Variants in DOCK1 observed in about 807,000 individuals in gnomAD.
DOCK1 encodes dedicator of cytokinesis protein 1.
DOCK1 carries 138 observed loss-of-function variants against 262.7 expected under a neutral mutation model. The ratio of observed to expected loss-of-function variants is 0.53; its 90% confidence interval spans 0.46 to 0.61. The LOEUF (loss-of-function observed/expected upper bound fraction) is 0.61, where lower values mean the gene tolerates loss of function less well. DOCK1 is among the 20% of genes least tolerant of loss of function. The pLI is 0.00. For synonymous variants in DOCK1, 866 were observed against 867.4 expected, an observed-to-expected ratio of 1.00 and a Z score of 0.03; for missense variants, 1,908 against 2,370.7, an observed-to-expected ratio of 0.80 and a Z score of 4.05.
chr10:126,927,728 C>T lies in DOCK1; in HGVS notation c.46+22165C>T, dbSNP rs973022570. Among the ~76,000 whole-genome samples the T allele has an allele frequency of 6.8e-3, 1,042 of 152,254 alleles. 12 individuals are homozygous for T. The highest frequency in any genetic ancestry group is 0.014 in the Admixed American group (217 of 15,304). Reference sequence around the variant, plus strand: ...CTGGGATTATAGGTGTGAGCCACCGCGCCCGGCCTGTCTTCATTCTTTCAC... The same window carrying T: ...CTGGGATTATAGGTGTGAGCCACCGTGCCCGGCCTGTCTTCATTCTTTCAC... On this transcript the variant is annotated intron_variant, in intron 1 of 51. Coordinates refer to ENST00000623213, the MANE Select transcript of DOCK1 (RefSeq NM_001290223.2).
intron 23 of DOCK1, among the ~76,000 whole-genome samples, chr10:127,081,944 C>T (rs944679279): frequency 4.6e-5 from 7 of 152,156 alleles, no homozygotes; most frequent in Non-Finnish European, 1.0e-4. Flanking sequence ...TGGCCCCTGG[C>T]GATGCTCATA....
chr10:127,063,341 C>A (rs995596825), intron 23 of DOCK1, among the ~76,000 whole-genome samples: 1 of 152,164 alleles, frequency 6.6e-6, no homozygotes, highest in South Asian at 2.1e-4. Context: ...TGTGCTGAGA[C>A]GTGGCTGATG....
intron 1 of DOCK1, among the ~76,000 whole-genome samples, chr10:126,959,132 C>T (rs2036987482): frequency 6.6e-6 from 1 of 152,106 alleles, no homozygotes; most frequent in South Asian, 2.1e-4. Context: ...AGGGAAAGTT[C>T]AAGTTAAGAT....
At chr10:127,228,151 T>C (rs1001620736) in intron 27 of DOCK1, among the ~76,000 whole-genome samples, 1 of 152,212 alleles carries the variant, frequency 6.6e-6, no homozygotes, top group Non-Finnish European at 1.5e-5. Context: ...ACAGTAAATA[T>C]CTGTCTTTAA....
At chr10:127,354,495 C>T (rs2064040395) in intron 31 of DOCK1, among the ~76,000 whole-genome samples, 174 bp from the exon 32 acceptor site, 1 of 152,208 alleles carries the variant, frequency 6.6e-6, no homozygotes, top group Non-Finnish European at 1.5e-5. Flanking sequence ...AGATTTCCCC[C>T]AGCTAGATTC....
At chr10:126,981,145 A>G (rs1158760489) in intron 3 of DOCK1, among the ~76,000 whole-genome samples, 1 of 151,954 alleles carries the variant, frequency 6.6e-6, no homozygotes. Context: ...ATGGGGTTTC[A>G]CCATGTTGGC....
At position 127,176,257 on chromosome 10, in the gene DOCK1, C is replaced by G. The variant is rs368666491; in HGVS notation, c.2847+48493C>G. On this transcript the variant is annotated intron_variant, in intron 27 of 51. Transcript: ENST00000623213. This position sits in a 1 kb window ranked among gnomAD's most constrained non-coding sequence, Gnocchi z 4.4. ...GCCTCGCAGATATCCTTAAACCGCA[C>G]CTGCAGGGCTTTGTTCCGTTTTTTA... is the stretch of plus-strand genomic sequence containing the variant. The G allele has an allele frequency of 7.4e-6, 12 of 1,614,016 alleles. No homozygotes were observed. Among genetic ancestry groups the G allele is most frequent in the Non-Finnish European group, 9.3e-6 (11 of 1,180,032 alleles).
intron 27 of DOCK1, among the ~76,000 whole-genome samples, chr10:127,222,536 A>T (rs563920973): frequency 6.6e-6 from 1 of 152,318 alleles, no homozygotes; most frequent in South Asian, 2.1e-4. Context: ...TAACATCATA[A>T]ACAAGTTTCC....
intron 38 of DOCK1, among the ~76,000 whole-genome samples, chr10:127,387,952 C>T (rs969030497): frequency 4.6e-5 from 7 of 150,626 alleles, no homozygotes; most frequent in East Asian, 2.0e-4. Context: ...CGAATGTGTT[C>T]GGTTCAGTAC....
intron 38 of DOCK1, among the ~76,000 whole-genome samples, chr10:127,392,776 C>T (rs902009634): frequency 1.3e-5 from 2 of 152,300 alleles, no homozygotes. Context: ...GGGCAGATCC[C>T]ACCCCACTCT....
intron 33 of DOCK1, among the ~76,000 whole-genome samples, chr10:127,365,159 C>T (rs1045005789): frequency 6.6e-6 from 1 of 152,264 alleles, no homozygotes; most frequent in Non-Finnish European, 1.5e-5. Flanking sequence ...CTTTCTTATC[C>T]ATCGCCTATA....
intron 6 of DOCK1, among the ~76,000 whole-genome samples, chr10:126,996,545 T>G: frequency 6.8e-6 from 1 of 147,786 alleles, no homozygotes; most frequent in Admixed American, 6.7e-5. Context: ...ATTTTTTTTT[T>G]TTTTTTTTTT....
chr10:126,951,852 A>ATT (rs1184702030), intron 1 of DOCK1, among the ~76,000 whole-genome samples: 14,780 of 142,540 alleles, frequency 0.1, 1,136 homozygotes, highest in African/African-American at 0.19. Flanking sequence ...CAGCCTCTTC[A>ATT]TTTTTTTTTT....
intron 23 of DOCK1, among the ~76,000 whole-genome samples, chr10:127,081,635 G>C (rs1285414177): frequency 2.0e-5 from 3 of 152,058 alleles, no homozygotes; most frequent in African/African-American, 7.2e-5. Context: ...AGTAATGGTG[G>C]CTTCAATTGC....
chr10:127,392,212 C>G (rs6482853), intron 38 of DOCK1, among the ~76,000 whole-genome samples: 126,200 of 151,310 alleles, frequency 0.83, 52,954 homozygotes, highest in African/African-American at 0.93. Context: ...AGTTCACCGG[C>G]GAATCTTGTT....
At chr10:126,992,760 A>ACACACACACG (rs1479341776) in intron 6 of DOCK1, among the ~76,000 whole-genome samples, 43 of 146,128 alleles carry the variant, frequency 2.9e-4, no homozygotes, top group African/African-American at 2.9e-4. Flanking sequence ...ACACACACAC[A>ACACACACACG]CACAGACAGA....
chr10:127,045,158 A>G lies in DOCK1; in HGVS notation c.2201+1994A>G, dbSNP rs961997997. Among the ~76,000 whole-genome samples the G allele has an allele frequency of 3.0e-5, 4 of 133,324 alleles. No homozygotes were observed. The East Asian group carries it at 9.0e-4, about 30-fold the overall frequency. 87.5% of individuals were successfully genotyped at this position (133,324 alleles called of 152,430 possible). A position where few individuals can be genotyped will look rare whatever the true frequency, so the allele number is the denominator to read the frequency against. ...GGTTGCAGTGAGCCGAGATCGTGCC[A>G]TTGCACTCCAGCCTGGGCTACAGAT... is the stretch of plus-strand genomic sequence containing the variant. On this transcript the variant is annotated intron_variant, in intron 21 of 51. Coordinates refer to ENST00000623213, the MANE Select transcript of DOCK1 (RefSeq NM_001290223.2).
chr10:127,196,776 C>T (rs1589896332), intron 27 of DOCK1, among the ~76,000 whole-genome samples: 1 of 152,058 alleles, frequency 6.6e-6, no homozygotes. Context: ...CGGCTGCCGC[C>T]TGCGCGCGGG....
intron 23 of DOCK1, among the ~76,000 whole-genome samples, chr10:127,078,878 C>G (rs931274812): frequency 2.0e-5 from 3 of 152,150 alleles, no homozygotes; most frequent in Non-Finnish European, 2.9e-5. Flanking sequence ...TTCTGTCTGC[C>G]TTTCCTTGTT....
Sources: gnomAD v4.1 joint callset for allele counts (sites outside exome capture counted in the v4.1 genomes callset) on GRCh38, gnomAD v4.1.1 for gene constraint, Gnocchi (gnomAD v3.1) non-coding constraint, MANE v1.5 for transcripts, NCBI Gene and HGNC (gene_info 2026-07-23, HGNC 2026-07-21) for gene names.